The following MCTP1 variants were observed in gnomAD, a reference collection of about 807,000 sequenced individuals.
The protein encoded by MCTP1 is multiple C2 and transmembrane domain containing 1, also known as multiple C2 and transmembrane domain-containing protein 1.
In MCTP1, 69 loss-of-function variants were observed where a neutral mutation model predicts 120.6. That is an observed-to-expected ratio of 0.57 (90% CI 0.47 to 0.70). MCTP1 has a LOEUF of 0.70. MCTP1 is among the 30% of genes least tolerant of loss of function. MCTP1 has a pLI of 0.00. For missense variants in MCTP1, 1,203 were observed against 1,248.8 expected, an observed-to-expected ratio of 0.96 and a Z score of 0.55; for synonymous variants, 529 against 493.1, an observed-to-expected ratio of 1.07 and a Z score of -0.96.
chr5:95,171,768 T>C (rs1747330919), intron 1 of MCTP1, among the ~76,000 whole-genome samples: 1 of 152,290 alleles, frequency 6.6e-6, no homozygotes, highest in Non-Finnish European at 1.5e-5. Flanking sequence ...CATCAGGTCA[T>C]TTAAGGACTT....
intron 19 of MCTP1, among the ~76,000 whole-genome samples, chr5:94,724,215 G>C (rs1761607852): frequency 6.6e-6 from 1 of 152,062 alleles, no homozygotes; most frequent in South Asian, 2.1e-4. Flanking sequence ...TTGTCAGGAG[G>C]GAGAGTTCCC....
chr5:95,261,802 G>A (rs1240167724), intron 1 of MCTP1, among the ~76,000 whole-genome samples: 1 of 152,188 alleles, frequency 6.6e-6, no homozygotes, highest in Non-Finnish European at 1.5e-5. Context: ...AATTTATTGG[G>A]GGTGGATTGG....
intron 17 of MCTP1, among the ~76,000 whole-genome samples, chr5:94,843,986 C>G (rs945321426): frequency 1.3e-5 from 2 of 152,230 alleles, no homozygotes; most frequent in African/African-American, 4.8e-5. Context: ...AGAATAGACA[C>G]CAAGTACCAA....
chr5:95,256,032 G>T (rs114817029), intron 1 of MCTP1, among the ~76,000 whole-genome samples: 4 of 152,150 alleles, frequency 2.6e-5, no homozygotes, highest in Non-Finnish European at 5.9e-5. Flanking sequence ...TCATGAAACC[G>T]TTGGTAAAAA....
intron 1 of MCTP1, among the ~76,000 whole-genome samples, chr5:95,033,622 C>T (rs1370603069): frequency 3.9e-5 from 6 of 151,944 alleles, no homozygotes; most frequent in African/African-American, 1.2e-4. Context: ...GCTAACATCA[C>T]ACTGAATGGG....
chr5:94,899,678 C>T (rs1017978219), intron 10 of MCTP1, among the ~76,000 whole-genome samples: 6 of 152,200 alleles, frequency 3.9e-5, no homozygotes, highest in Admixed American at 1.3e-4. Flanking sequence ...ATGTCCCACA[C>T]CTCTTCCCTT....
At chr5:94,717,868 C>T (rs992571833) in intron 19 of MCTP1, among the ~76,000 whole-genome samples, 7 of 151,738 alleles carry the variant, frequency 4.6e-5, no homozygotes, top group Non-Finnish European at 1.0e-4. Context: ...AGGAAATCAG[C>T]GAGGACACAA....
At chr5:94,947,633 G>C (rs1266917874) in intron 3 of MCTP1, among the ~76,000 whole-genome samples, 1 of 139,108 alleles carries the variant, frequency 7.2e-6, no homozygotes, top group Non-Finnish European at 1.6e-5. Context: ...AAGAGAGACA[G>C]GGTCCAGGGT....
At chr5:94,858,066 G>A (rs1033586222) in intron 17 of MCTP1, among the ~76,000 whole-genome samples, 3 of 151,612 alleles carry the variant, frequency 2.0e-5, no homozygotes, top group Non-Finnish European at 3.0e-5. Context: ...TGAAAATTTA[G>A]GCCACGGACA....
At chr5:95,242,628 C>A (rs1241192213) in intron 1 of MCTP1, among the ~76,000 whole-genome samples, 1 of 152,068 alleles carries the variant, frequency 6.6e-6, no homozygotes, top group Non-Finnish European at 1.5e-5. Context: ...TGATAAAAAT[C>A]CAAACTTCCT....
At chr5:94,752,139 A>G (rs1035652431) in intron 19 of MCTP1, among the ~76,000 whole-genome samples, 1 of 93,978 alleles carries the variant, frequency 1.1e-5, no homozygotes, top group Non-Finnish European at 2.1e-5. Flanking sequence ...ATATATATAT[A>G]TATATATTCA....
At chr5:95,126,318 G>C (rs976379842) in intron 1 of MCTP1, among the ~76,000 whole-genome samples, 4 of 152,156 alleles carry the variant, frequency 2.6e-5, no homozygotes, top group Admixed American at 2.6e-4. Flanking sequence ...AAGTACAACA[G>C]TTATATCTGA....
At chr5:94,990,620 A>G (rs1273353540) in intron 2 of MCTP1, among the ~76,000 whole-genome samples, 1 of 152,218 alleles carries the variant, frequency 6.6e-6, no homozygotes, top group African/African-American at 2.4e-5. Context: ...CTCAAAATTG[A>G]TTAAGAACAT....
At chr5:94,910,202 A>ATATATACATATATGTG (rs1561843391) in intron 9 of MCTP1, among the ~76,000 whole-genome samples, 1 of 151,476 alleles carries the variant, frequency 6.6e-6, no homozygotes, top group Admixed American at 6.6e-5. Flanking sequence ...ACATATATGT[A>ATATATACATATATGTG]TATATACATA....
chr5:94,730,794 G>A (rs1762972806), intron 19 of MCTP1, among the ~76,000 whole-genome samples: 1 of 152,104 alleles, frequency 6.6e-6, no homozygotes, highest in South Asian at 2.1e-4. Flanking sequence ...ATTCCCAGAT[G>A]TTTCAGAAGG....
chr5:95,157,968 C>G (rs1057501977), intron 1 of MCTP1, among the ~76,000 whole-genome samples: 3 of 152,140 alleles, frequency 2.0e-5, no homozygotes, highest in East Asian at 1.9e-4. Flanking sequence ...TATCTGCCAA[C>G]CCCTGTTGTA....
chr5:94,785,783 A>T (rs1777546625), intron 18 of MCTP1, among the ~76,000 whole-genome samples: 1 of 152,104 alleles, frequency 6.6e-6, no homozygotes, highest in African/African-American at 2.4e-5. Context: ...GGTACACATT[A>T]TTTAAAAAAA....
chr5:94,721,536 A>C (rs1008403721), intron 19 of MCTP1, among the ~76,000 whole-genome samples: 6 of 152,180 alleles, frequency 3.9e-5, no homozygotes, highest in Non-Finnish European at 7.3e-5. Flanking sequence ...TTGAAAAGCA[A>C]ATGCTTTGGG....
At chr5:94,937,448 G>T (rs1329211263) in intron 5 of MCTP1, among the ~76,000 whole-genome samples, 2 of 152,006 alleles carry the variant, frequency 1.3e-5, no homozygotes, top group Non-Finnish European at 2.9e-5. Context: ...AGGAGGAAAA[G>T]AAGATGAAGA....
Sources: allele counts gnomAD v4.1 joint callset (sites outside exome capture counted in the v4.1 genomes callset), GRCh38; gene constraint gnomAD v4.1.1; transcripts MANE v1.5; gene names NCBI Gene and HGNC (gene_info 2026-07-23, HGNC 2026-07-21).